Variants in FBXL17 observed in about 807,000 individuals in gnomAD.
FBXL17 encodes the protein F-box and leucine rich repeat protein 17, also known as F-box/LRR-repeat protein 17.
In FBXL17, 22 loss-of-function variants were observed where a neutral mutation model predicts 66.2. That is an observed-to-expected ratio of 0.33 (90% CI 0.24 to 0.47). FBXL17 has a LOEUF of 0.47. FBXL17 is among the 20% of genes least tolerant of loss of function. FBXL17 has a pLI of 1.00. For synonymous variants in FBXL17, 474 were observed against 400.5 expected (o/e 1.18, Z -2.19); for missense variants, 878 against 948.2 (o/e 0.93, Z 0.97).
chr5:108,063,482 C>T (rs2112848649), intron 6 of FBXL17, among the ~76,000 whole-genome samples: 1 of 152,298 alleles, frequency 6.6e-6, no homozygotes, highest in Non-Finnish European at 1.5e-5. Context: ...AAAACCAGAA[C>T]TGTCAATCTC....
At position 108,262,772 on chromosome 5, in the gene FBXL17, T is replaced by C. The variant is rs149657204; in HGVS notation, c.1507-38544A>G. On this transcript the variant is annotated intron_variant, in intron 4 of 8. Coordinates refer to ENST00000542267, the MANE Select transcript of FBXL17 (RefSeq NM_001163315.3). The stretch of plus-strand genomic sequence containing the variant: ...AAAAAGAGCTAAATAAATCCAATAC[T>C]TTATTAAAATACAATTGTCATGAAG... Among the ~76,000 whole-genome samples, 539 of 152,290 alleles carry C rather than the reference T, an allele frequency of 3.5e-3. 4 individuals carry two copies. The highest frequency in any genetic ancestry group is 0.012 in the African/African-American group (516 of 41,554).
intron 5 of FBXL17, among the ~76,000 whole-genome samples, chr5:108,210,466 C>T (rs1754320264): frequency 6.6e-6 from 1 of 152,184 alleles, no homozygotes; most frequent in Non-Finnish European, 1.5e-5. Flanking sequence ...AAACTTCCCT[C>T]TACACACTGC....
rs188576391 is a variant in FBXL17 at position 108,049,913 on chromosome 5, A to G, written c.1746-28912T>C. Among the ~76,000 whole-genome samples, 5 of 152,338 alleles carry G rather than the reference A, an allele frequency of 3.3e-5. No homozygotes were observed. The East Asian group carries it at 9.6e-4, about 29-fold the overall frequency. ...ACATTTACCAAGCAAATGGAAAGCA[A>G]AAATAAAAGGCAGGGATTGGAATCC... On this transcript the variant is annotated intron_variant, in intron 6 of 8. Coordinates refer to ENST00000542267, the MANE Select transcript of FBXL17 (RefSeq NM_001163315.3).
At chr5:107,872,278 A>G (rs1439360412) in intron 8 of FBXL17, among the ~76,000 whole-genome samples, 1 of 152,128 alleles carries the variant, frequency 6.6e-6, no homozygotes, top group Non-Finnish European at 1.5e-5. Context: ...GAATGTCCTG[A>G]TCCCCAGGGG....
At position 108,262,477 on chromosome 5, in the gene FBXL17, G is replaced by A. The variant is rs144033754; in HGVS notation, c.1507-38249C>T. ...AGACCTTGAATATGCCAAAAATTAT[G>A]AAATAATTTGGAAGGTACTCAAAGC... On this transcript the variant is annotated intron_variant, in intron 4 of 8. Transcript: ENST00000542267. 5.2e-3 allele frequency among the ~76,000 whole-genome samples: 786 copies of A among 152,178 alleles called. 8 individuals carry two copies. The highest frequency in any genetic ancestry group is 0.018 in the African/African-American group (744 of 41,512).
chr5:107,887,243 G>A (rs1363713391), intron 7 of FBXL17, among the ~76,000 whole-genome samples: 1 of 152,134 alleles, frequency 6.6e-6, no homozygotes, highest in Non-Finnish European at 1.5e-5. Flanking sequence ...GATAAGCTAA[G>A]AATAGATAAC....
intron 6 of FBXL17, among the ~76,000 whole-genome samples, chr5:108,170,346 TATG>T (rs1410903546): frequency 1.3e-5 from 2 of 152,098 alleles, no homozygotes; most frequent in Non-Finnish European, 2.9e-5. Context: ...GGTAAATGGG[TATG>T]ATAAGATATT....
At chr5:108,377,026 A>G (rs1749485449) in intron 1 of FBXL17, among the ~76,000 whole-genome samples, 1 of 152,130 alleles carries the variant, frequency 6.6e-6, no homozygotes, top group Non-Finnish European at 1.5e-5. Context: ...ATTTTAATTC[A>G]CATATATATG....
Position 107,892,435 on chromosome 5 carries a change from T to C in FBXL17, c.1823-11256A>G, listed in dbSNP as rs1749227439. Reference sequence around the variant, plus strand: ...TGGGGGAGATTACAGGTAATACATATTTTTCCTTACATGTTTGTGTATTTA... The same window carrying C: ...TGGGGGAGATTACAGGTAATACATACTTTTCCTTACATGTTTGTGTATTTA... On this transcript the variant is annotated intron_variant, in intron 7 of 8. Coordinates refer to ENST00000542267, the MANE Select transcript of FBXL17 (RefSeq NM_001163315.3). 2.0e-5 allele frequency among the ~76,000 whole-genome samples: 3 copies of C among 152,246 alleles called. No homozygotes were observed. In the South Asian group the frequency reaches 6.2e-4, roughly 32 times the overall value.
intron 1 of FBXL17, among the ~76,000 whole-genome samples, chr5:108,375,426 G>T (rs1293592675): frequency 6.7e-6 from 1 of 149,750 alleles, no homozygotes; most frequent in South Asian, 2.1e-4. Context: ...AAAGAGAGAA[G>T]ACTCAAATTT....
chr5:108,240,770 C>G (rs777656554), intron 4 of FBXL17, among the ~76,000 whole-genome samples: 1 of 152,184 alleles, frequency 6.6e-6, no homozygotes, highest in Non-Finnish European at 1.5e-5. Flanking sequence ...CAGTGCTATT[C>G]TGGTTCAGGT....
chr5:107,970,524 T>G (rs145183031), intron 7 of FBXL17, among the ~76,000 whole-genome samples: 2 of 152,258 alleles, frequency 1.3e-5, no homozygotes, highest in Non-Finnish European at 1.5e-5. Flanking sequence ...CCAGAATCTA[T>G]GATCAAAGCC....
chr5:108,337,825 T>C (rs898764465), intron 4 of FBXL17, among the ~76,000 whole-genome samples: 1 of 152,104 alleles, frequency 6.6e-6, no homozygotes, highest in Non-Finnish European at 1.5e-5. Flanking sequence ...TCCTGGACTG[T>C]AGATATGACC....
chr5:108,133,830 G>T (rs1751029713), intron 6 of FBXL17, among the ~76,000 whole-genome samples: 1 of 151,646 alleles, frequency 6.6e-6, no homozygotes, highest in Non-Finnish European at 1.5e-5. Context: ...CCATTTCCTT[G>T]TCTGTAAAAA....
At chr5:108,310,953 T>C (rs1225003078) in intron 4 of FBXL17, among the ~76,000 whole-genome samples, 1 of 152,166 alleles carries the variant, frequency 6.6e-6, no homozygotes, top group African/African-American at 2.4e-5. Context: ...TCTGCCAAAA[T>C]GCCAGCAAAC....
intron 4 of FBXL17, among the ~76,000 whole-genome samples, chr5:108,276,960 T>C (rs1757507434): frequency 2.6e-5 from 4 of 152,212 alleles, no homozygotes; most frequent in Admixed American, 2.6e-4. Context: ...TCATTTAATC[T>C]ATATTTAGAT....
chr5:108,350,299 C>CA (rs1358706344), intron 3 of FBXL17, among the ~76,000 whole-genome samples: 3 of 151,960 alleles, frequency 2.0e-5, no homozygotes, highest in Admixed American at 6.6e-5. Context: ...CCTACAATGG[C>CA]AAAAAAATGT....
At chr5:108,257,172 G>C (rs1013441786) in intron 4 of FBXL17, among the ~76,000 whole-genome samples, 2 of 152,092 alleles carry the variant, frequency 1.3e-5, no homozygotes, top group South Asian at 2.1e-4. Flanking sequence ...TTAATGTGAC[G>C]TAATGAAAAC....
At chr5:108,242,858 T>C (rs952540496) in intron 4 of FBXL17, among the ~76,000 whole-genome samples, 5 of 152,174 alleles carry the variant, frequency 3.3e-5, no homozygotes, top group Non-Finnish European at 7.4e-5. Flanking sequence ...GTGAAACTTA[T>C]GAAAAAGGAA....
Sources: allele counts gnomAD v4.1 joint callset (sites outside exome capture counted in the v4.1 genomes callset), GRCh38; gene constraint gnomAD v4.1.1; transcripts MANE v1.5; gene names NCBI Gene and HGNC (gene_info 2026-07-23, HGNC 2026-07-21).